Variants in MARCHF6 observed in about 807,000 individuals in gnomAD.
MARCHF6 encodes the protein E3 ubiquitin-protein ligase MARCHF6.
A neutral mutation model predicts 133.7 loss-of-function variants in MARCHF6; 31 were observed. That is an observed-to-expected ratio of 0.23 (90% CI 0.17 to 0.31). MARCHF6 has a LOEUF of 0.31. Among genes scored for constraint, MARCHF6 ranks in the 10% least tolerant of loss-of-function variants. The pLI, the probability that MARCHF6 is intolerant of heterozygous loss-of-function variation, is 1.00. For synonymous variants in MARCHF6, 395 were observed against 402.5 expected (o/e 0.98, Z 0.22); for missense variants, 723 against 1,121.6 (o/e 0.64, Z 5.08).
intron 15 of MARCHF6, among the ~76,000 whole-genome samples, chr5:10,405,254 A>C (rs1738811978): frequency 6.6e-6 from 1 of 152,112 alleles, no homozygotes; most frequent in Admixed American, 6.5e-5. Flanking sequence ...TACGATAGTA[A>C]TGGTTGTATT....
intron 1 of MARCHF6, among the ~76,000 whole-genome samples, chr5:10,355,545 T>C (rs1269562478): frequency 1.3e-5 from 2 of 152,248 alleles, no homozygotes; most frequent in African/African-American, 2.4e-5. Context: ...AGTGCTTAAA[T>C]ATATTTTTTC....
chr5:10,390,309 A>AT, intron 5 of MARCHF6, 23 bp from the exon 6 acceptor site: 1 of 1,597,988 alleles, frequency 6.3e-7, no homozygotes. Flanking sequence ...TGGAGTAATT[A>AT]TATGTACTTT....
At chr5:10,376,227 C>T (rs1203214199) in intron 1 of MARCHF6, among the ~76,000 whole-genome samples, 1 of 152,162 alleles carries the variant, frequency 6.6e-6, no homozygotes. Context: ...TAACACTCAC[C>T]GTGAAGATCT....
intron 1 of MARCHF6, among the ~76,000 whole-genome samples, chr5:10,372,715 T>C (rs904530272): frequency 3.3e-5 from 5 of 152,220 alleles, no homozygotes; most frequent in African/African-American, 1.2e-4. Context: ...CTGTTTTTCG[T>C]GAAAATAACT....
chr5:10,363,488 G>A (rs1380802091), intron 1 of MARCHF6, among the ~76,000 whole-genome samples: 2 of 152,140 alleles, frequency 1.3e-5, no homozygotes, highest in Non-Finnish European at 2.9e-5. Flanking sequence ...AGAAAGAACA[G>A]GTAAGTGTTG....
chr5:10,428,181 C>CA (rs1271991929), intron 24 of MARCHF6, among the ~76,000 whole-genome samples: 1 of 152,150 alleles, frequency 6.6e-6, no homozygotes, highest in Non-Finnish European at 1.5e-5. Flanking sequence ...CCACAGTGTG[C>CA]AAACTGCATC....
rs181631438 is a variant in MARCHF6 at position 10,359,790 on chromosome 5, A to C, written c.19+5873A>C. ...GAGGCGGTGGCAGGCAGATCACCTG[A>C]GGTCAGGAGTTCGAGACCAGCCTGG... On this transcript the variant is annotated intron_variant, in intron 1 of 25. Transcript: ENST00000274140. 9.8e-3 allele frequency among the ~76,000 whole-genome samples: 1,492 copies of C among 152,274 alleles called. 11 individuals carry two copies. The highest frequency in any genetic ancestry group is 0.017 in the Non-Finnish European group (1,165 of 68,024).
chr5:10,375,567 A>C (rs1579540542), intron 1 of MARCHF6, among the ~76,000 whole-genome samples: 1 of 152,366 alleles, frequency 6.6e-6, no homozygotes, highest in African/African-American at 2.4e-5. Context: ...ACTGGCAGGC[A>C]GCTCCACCTG....
intron 1 of MARCHF6, among the ~76,000 whole-genome samples, chr5:10,374,297 T>G (rs900810793): frequency 6.6e-6 from 1 of 152,140 alleles, no homozygotes. Flanking sequence ...CCACTTTCAA[T>G]GTGGTGTGCT....
chr5:10,418,507 A>G (rs966878158), intron 22 of MARCHF6, among the ~76,000 whole-genome samples: 5 of 152,190 alleles, frequency 3.3e-5, no homozygotes, highest in African/African-American at 1.2e-4. Context: ...TTTTAACATC[A>G]TAGAATTAAG....
intron 1 of MARCHF6, among the ~76,000 whole-genome samples, chr5:10,356,854 A>G (rs1735506284): frequency 1.3e-5 from 2 of 152,168 alleles, no homozygotes; most frequent in South Asian, 4.1e-4. Context: ...TGATGCTCAG[A>G]ATGTTATGCA....
Position 10,375,286 on chromosome 5 carries a change from A to G in MARCHF6, c.20-2512A>G, listed in dbSNP as rs568941695. Among the ~76,000 whole-genome samples the G allele has an allele frequency of 1.6e-3, 239 of 152,282 alleles. 1 individual carries two copies. The highest frequency in any genetic ancestry group is 4.4e-3 in the South Asian group (21 of 4,826). The stretch of plus-strand genomic sequence containing the variant: ...CGGCCCTGCCGGCCCAGGCAGTGAG[A>G]GACTTGGCACCCGGGCCAGCGGCTG... On this transcript the variant is annotated intron_variant, in intron 1 of 25. Coordinates refer to ENST00000274140, the MANE Select transcript of MARCHF6 (RefSeq NM_005885.4).
chr5:10,401,155 C>G (rs1171784050), intron 11 of MARCHF6: 3 of 251,952 alleles, frequency 1.2e-5, no homozygotes, highest in Non-Finnish European at 7.6e-6. Flanking sequence ...TTCCCTTTCC[C>G]CAGGTGCCCC....
chr5:10,432,383 A>G (rs1167259387), intron 25 of MARCHF6, among the ~76,000 whole-genome samples: 1 of 152,216 alleles, frequency 6.6e-6, no homozygotes, highest in Admixed American at 6.5e-5. Flanking sequence ...ACTCTCCCTC[A>G]GTCTCCTTCA....
At chr5:10,369,605 C>G (rs1242302322) in intron 1 of MARCHF6, among the ~76,000 whole-genome samples, 1 of 8,332 alleles carries the variant, frequency 1.2e-4, no homozygotes, top group African/African-American at 5.3e-4. Flanking sequence ...GTTCCATTAC[C>G]CCCCCCCCCC....
chr5:10,381,753 A>C (rs778748002), intron 3 of MARCHF6, 47 bp from the exon 4 acceptor site: 2 of 1,437,442 alleles, frequency 1.4e-6, no homozygotes, highest in Non-Finnish European at 1.9e-6. Context: ...GAATTAAGCT[A>C]TTTTCGAATC....
At chr5:10,379,503 C>T (rs1490149694) in intron 3 of MARCHF6, among the ~76,000 whole-genome samples, 1 of 151,492 alleles carries the variant, frequency 6.6e-6, no homozygotes, top group African/African-American at 2.4e-5. Flanking sequence ...TTCTGTTGCC[C>T]AGGCTGGAGG....
intron 24 of MARCHF6, among the ~76,000 whole-genome samples, chr5:10,427,506 C>T (rs1740149027): frequency 6.6e-6 from 1 of 152,136 alleles, no homozygotes; most frequent in Non-Finnish European, 1.5e-5. Flanking sequence ...GATTAAACAA[C>T]CATGGAATGG....
chr5:10,366,475 A>G (rs914235322), intron 1 of MARCHF6, among the ~76,000 whole-genome samples: 3 of 152,258 alleles, frequency 2.0e-5, no homozygotes, highest in Non-Finnish European at 2.9e-5. Flanking sequence ...TACATGTGGC[A>G]TAGTGCCACG....
Sources: gnomAD v4.1 joint callset for allele counts (sites outside exome capture counted in the v4.1 genomes callset) on GRCh38, gnomAD v4.1.1 for gene constraint, MANE v1.5 for transcripts, NCBI Gene and HGNC (gene_info 2026-07-23, HGNC 2026-07-21) for gene names.